Variants in ANGPT1 observed in about 807,000 individuals in gnomAD.
The protein encoded by ANGPT1 is angiopoietin 1.
In ANGPT1, 17 loss-of-function variants were observed where a neutral mutation model predicts 62.2. The ratio of observed to expected loss-of-function variants is 0.27; its 90% CI spans 0.19 to 0.41. ANGPT1 has a LOEUF of 0.41. Ranked by LOEUF, ANGPT1 falls within the 10% of genes least tolerant of loss-of-function variation. ANGPT1 has a pLI of 1.00. For missense variants in ANGPT1, 478 were observed against 594.9 expected (o/e 0.80, Z 2.04); for synonymous variants, 199 against 198.9 (o/e 1.00, Z 0.00).
At chr8:107,369,759 AAC>A (rs61454395) in intron 1 of ANGPT1, among the ~76,000 whole-genome samples, 45,004 of 151,788 alleles carry the variant, frequency 0.3, 6,755 homozygotes, top group Middle Eastern at 0.4. Context: ...GAGAAGTCAG[AAC>A]ACACATACCA....
At chr8:107,324,215 A>ATATATATG (rs1446823991) in intron 3 of ANGPT1, among the ~76,000 whole-genome samples, 61 of 144,828 alleles carry the variant, frequency 4.2e-4, no homozygotes, top group African/African-American at 1.5e-3. Flanking sequence ...GTATATATAT[A>ATATATATG]TGTGTGTGTG....
At chr8:107,347,153 G>A in intron 1 of ANGPT1, 56 bp from the exon 2 acceptor site, 1 of 1,525,136 alleles carries the variant, frequency 6.6e-7, no homozygotes, top group African/African-American at 1.4e-5. Context: ...TCCCAGTTCG[G>A]GCATGTAATA....
intron 7 of ANGPT1, among the ~76,000 whole-genome samples, chr8:107,274,760 G>A (rs546523864): frequency 1.3e-5 from 2 of 152,082 alleles, no homozygotes; most frequent in East Asian, 1.9e-4. Flanking sequence ...GTGTGGATTC[G>A]CACAAAAAAA....
chr8:107,379,370 A>C (rs925643271), intron 1 of ANGPT1, among the ~76,000 whole-genome samples: 2 of 152,132 alleles, frequency 1.3e-5, no homozygotes, highest in African/African-American at 2.4e-5. Flanking sequence ...GGAAGTACTT[A>C]CTCCATAAGG....
intron 1 of ANGPT1, among the ~76,000 whole-genome samples, chr8:107,408,223 C>G (rs1817189227): frequency 6.6e-6 from 1 of 152,150 alleles, no homozygotes; most frequent in Non-Finnish European, 1.5e-5. Flanking sequence ...ATTTAATTCA[C>G]TAACTTCTAA....
At chr8:107,319,921 T>C (rs537251585) in intron 4 of ANGPT1, among the ~76,000 whole-genome samples, 19 of 152,086 alleles carry the variant, frequency 1.2e-4, no homozygotes, top group Non-Finnish European at 2.6e-4. Flanking sequence ...AGAGAACCTA[T>C]TGGAAAATTA....
At chr8:107,429,656 A>G (rs890627040) in intron 1 of ANGPT1, among the ~76,000 whole-genome samples, 2 of 150,446 alleles carry the variant, frequency 1.3e-5, no homozygotes, top group Non-Finnish European at 1.5e-5. Context: ...AGGAAAAAAA[A>G]AAAAAAAAAA....
At chr8:107,281,220 C>CA (rs1813996392) in intron 7 of ANGPT1, among the ~76,000 whole-genome samples, 1 of 151,784 alleles carries the variant, frequency 6.6e-6, no homozygotes, top group African/African-American at 2.4e-5. Context: ...TTTTAAAAAA[C>CA]AACACCACAG....
At chr8:107,392,663 C>T (rs1816857909) in intron 1 of ANGPT1, among the ~76,000 whole-genome samples, 1 of 151,988 alleles carries the variant, frequency 6.6e-6, no homozygotes, top group African/African-American at 2.4e-5. Flanking sequence ...TCTGAGTCTC[C>T]CACTTTCCTT....
At chr8:107,384,529 A>G (rs1816697447) in intron 1 of ANGPT1, among the ~76,000 whole-genome samples, 1 of 152,130 alleles carries the variant, frequency 6.6e-6, no homozygotes, top group Non-Finnish European at 1.5e-5. Flanking sequence ...CAGTAAGTGC[A>G]TAGAACTGTT....
chr8:107,264,371 A>G lies in ANGPT1; in HGVS notation c.1206-20T>C. The G allele has an allele frequency of 6.2e-7, 1 of 1,609,316 alleles. No homozygotes were observed. The highest frequency in any genetic ancestry group is 8.5e-7 in the Non-Finnish European group (1 of 1,178,660). On this transcript the variant is annotated intron_variant, in intron 7 of 8. Coordinates refer to ENST00000517746, the MANE Select transcript of ANGPT1 (RefSeq NM_001146.5). Reference sequence around the variant, plus strand: ...TACAACCTGAAGTCAAAAAGAAAAAAAAGAAAGATAAGCCATTCGACAGAA... The same window carrying G: ...TACAACCTGAAGTCAAAAAGAAAAAGAAGAAAGATAAGCCATTCGACAGAA...
intron 4 of ANGPT1, among the ~76,000 whole-genome samples, chr8:107,309,322 A>G (rs1814794488): frequency 6.6e-6 from 1 of 152,210 alleles, no homozygotes; most frequent in Non-Finnish European, 1.5e-5. Flanking sequence ...ATTGACCCTG[A>G]ACCTGTGATT....
chr8:107,404,693 G>A (rs1733523429), intron 1 of ANGPT1, among the ~76,000 whole-genome samples: 3 of 152,056 alleles, frequency 2.0e-5, no homozygotes, highest in Admixed American at 1.3e-4. Flanking sequence ...GGGTAGATGT[G>A]TTTGTAGAAT....
At chr8:107,466,737 C>T (rs1457513512) in intron 1 of ANGPT1, among the ~76,000 whole-genome samples, 1 of 151,894 alleles carries the variant, frequency 6.6e-6, no homozygotes, top group South Asian at 2.1e-4. Context: ...TATGGTGAAA[C>T]CCCGTCTCTA....
chr8:107,426,678 C>T (rs1283699), intron 1 of ANGPT1, among the ~76,000 whole-genome samples: 124,346 of 152,134 alleles, frequency 0.82, 50,882 homozygotes, highest in East Asian at 0.85. Context: ...GTAGAGCATA[C>T]GCCTTCTATT....
chr8:107,473,298 A>T (rs1812412487), intron 1 of ANGPT1, among the ~76,000 whole-genome samples: 2 of 152,088 alleles, frequency 1.3e-5, no homozygotes, highest in African/African-American at 2.4e-5. Context: ...AATATTAATC[A>T]GGAATTTCTT....
chr8:107,351,869 A>G (rs1219112176), intron 1 of ANGPT1, among the ~76,000 whole-genome samples: 2 of 152,184 alleles, frequency 1.3e-5, no homozygotes, highest in African/African-American at 4.8e-5. Flanking sequence ...ACAATAATAC[A>G]CAAAGCCTCT....
intron 1 of ANGPT1, among the ~76,000 whole-genome samples, chr8:107,378,726 C>T (rs1816577680): frequency 1.3e-5 from 2 of 152,022 alleles, no homozygotes; most frequent in African/African-American, 4.8e-5. Flanking sequence ...TTCCCCCTTC[C>T]CTTGGCACTT....
intron 6 of ANGPT1, among the ~76,000 whole-genome samples, chr8:107,285,090 G>A (rs531342375): frequency 3.4e-4 from 52 of 152,126 alleles, no homozygotes; most frequent in Admixed American, 6.6e-4. Flanking sequence ...GTGTGGATGA[G>A]ACATTTTGTA....
Sources: gnomAD v4.1 joint callset for allele counts (sites outside exome capture counted in the v4.1 genomes callset) on GRCh38, gnomAD v4.1.1 for gene constraint, MANE v1.5 for transcripts, NCBI Gene and HGNC (gene_info 2026-07-23, HGNC 2026-07-21) for gene names.